The following RBFOX1 variants were observed in gnomAD, a reference collection of about 807,000 sequenced individuals.
RBFOX1 encodes RNA binding fox-1 homolog 1, also known as RNA binding protein fox-1 homolog 1.
A neutral mutation model predicts 57.7 loss-of-function variants in RBFOX1; 8 were observed. That is an observed-to-expected ratio of 0.14 (90% confidence interval 0.08 to 0.25). RBFOX1 has a LOEUF of 0.25. Among genes scored for constraint, RBFOX1 ranks in the 10% least tolerant of loss-of-function variants. The probability of loss-of-function intolerance (pLI) is 1.00; values close to 1 mark genes in which losing one functional copy is unlikely to be tolerated. For synonymous variants in RBFOX1, 326 were observed against 222.4 expected, an observed-to-expected ratio of 1.47 and a Z score of -4.15; for missense variants, 611 against 548.5, an observed-to-expected ratio of 1.11 and a Z score of -1.14.
rs748709226 is a variant in RBFOX1, at chr16:7,254,453, G to A, written c.27+202355G>A. On this transcript the variant is annotated intron_variant, in intron 4 of 15. Coordinates refer to ENST00000550418, the MANE Select transcript of RBFOX1 (RefSeq NM_018723.4). ...TCACTGGCCTGATTAAACAAGCTGCGGTCTCTAAAGACTCCAAATGTCATG... is the reference window on the plus strand; with the variant it reads ...TCACTGGCCTGATTAAACAAGCTGCAGTCTCTAAAGACTCCAAATGTCATG... Among the ~76,000 whole-genome samples the A allele has an allele frequency of 4.6e-5, 7 of 151,776 alleles. No homozygotes were observed. The South Asian group carries it at 8.3e-4, about 18-fold the overall frequency.
At chr16:7,469,902 A>C (rs1392301740) in intron 4 of RBFOX1, among the ~76,000 whole-genome samples, 1 of 152,148 alleles carries the variant, frequency 6.6e-6, no homozygotes. Flanking sequence ...GACTACGCTA[A>C]GTACCTCATA....
At chr16:6,589,029 C>A (rs1269822045) in intron 2 of RBFOX1, among the ~76,000 whole-genome samples, 2 of 152,136 alleles carry the variant, frequency 1.3e-5, no homozygotes, top group African/African-American at 2.4e-5. Context: ...CATTGAGGAA[C>A]CTTTTCAGAA....
intron 3 of RBFOX1, among the ~76,000 whole-genome samples, chr16:5,821,286 C>CTG: frequency 3.4e-5 from 5 of 148,294 alleles, no homozygotes; most frequent in African/African-American, 1.2e-4. Context: ...CTGTCATTCT[C>CTG]TCTTTTTTTA....
chr16:6,994,472 C>G (rs1184305344), intron 3 of RBFOX1, among the ~76,000 whole-genome samples: 3 of 152,194 alleles, frequency 2.0e-5, no homozygotes, highest in Admixed American at 6.5e-5. Context: ...ATGCTAAGAA[C>G]TGTTAGGAAA....
intron 2 of RBFOX1, among the ~76,000 whole-genome samples, chr16:6,638,299 T>C (rs1054109098): frequency 1.3e-5 from 2 of 152,142 alleles, no homozygotes; most frequent in Non-Finnish European, 2.9e-5. Context: ...ATGTAAGAAT[T>C]AAAATTAGTG....
At chr16:6,380,310 C>G (rs571672450) in intron 2 of RBFOX1, among the ~76,000 whole-genome samples, 1 of 148,594 alleles carries the variant, frequency 6.7e-6, no homozygotes, top group Non-Finnish European at 1.5e-5. Flanking sequence ...AGAACAGTGA[C>G]GGTGGTGGAG....
At chr16:7,414,869 C>T (rs1022713690) in intron 4 of RBFOX1, among the ~76,000 whole-genome samples, 14 of 152,206 alleles carry the variant, frequency 9.2e-5, no homozygotes, top group Non-Finnish European at 1.8e-4. Flanking sequence ...CCGTTTCCTT[C>T]AGCCTTCTAA....
intron 3 of RBFOX1, chr16:7,003,974 G>T (rs1361684186): frequency 1.3e-5 from 2 of 149,068 alleles, no homozygotes; most frequent in African/African-American, 5.1e-5. Flanking sequence ...ATTTTCCCAG[G>T]GTAGAAATGA....
chr16:5,936,063 T>C (rs1367057518), intron 4 of RBFOX1, among the ~76,000 whole-genome samples: 1 of 151,852 alleles, frequency 6.6e-6, no homozygotes, highest in South Asian at 2.1e-4. Context: ...AGTGGAAATA[T>C]ATGGTAAAAA....
intron 3 of RBFOX1, among the ~76,000 whole-genome samples, chr16:5,780,768 G>C (rs1423701906): frequency 6.6e-6 from 1 of 152,222 alleles, no homozygotes; most frequent in Non-Finnish European, 1.5e-5. Context: ...GCTCCCGAGA[G>C]AAGCATGGGA....
intron 2 of RBFOX1, among the ~76,000 whole-genome samples, chr16:5,527,341 T>C (rs904679106): frequency 2.0e-5 from 3 of 152,178 alleles, no homozygotes; most frequent in African/African-American, 7.2e-5. Context: ...GAAATGGAGT[T>C]CGTAGACTCC....
intron 3 of RBFOX1, among the ~76,000 whole-genome samples, chr16:6,876,565 A>C (rs1279863996): frequency 6.6e-6 from 1 of 152,162 alleles, no homozygotes; most frequent in Non-Finnish European, 1.5e-5. Flanking sequence ...TTCTATAAAA[A>C]TTAATAGTGT....
chr16:5,250,072 T>C (rs2062410853), intron 1 of RBFOX1, among the ~76,000 whole-genome samples: 1 of 151,220 alleles, frequency 6.6e-6, no homozygotes, highest in Non-Finnish European at 1.5e-5. Flanking sequence ...GAGGTTGCAG[T>C]GAGCCGAGAT....
chr16:6,815,263 G>C (rs1567372724), intron 3 of RBFOX1, among the ~76,000 whole-genome samples: 1 of 152,098 alleles, frequency 6.6e-6, no homozygotes, highest in African/African-American at 2.4e-5. Context: ...TGGTTTTGGT[G>C]GGTTTTGGCC....
In RBFOX1 at chr16:7,034,848, C is replaced by CTTTTCT. The variant is rs1412479062; in HGVS notation, c.-15-17205_-15-17204insCTTTTT. Among the ~76,000 whole-genome samples, 15 of 30,836 alleles carry CTTTTCT rather than the reference C, an allele frequency of 4.9e-4. 1 individual carries two copies. In the East Asian group the frequency reaches 5.6e-3, roughly 12 times the overall value. 20.2% of individuals were successfully genotyped at this position (30,836 alleles called of 152,430 possible). A position where few individuals can be genotyped will look rare whatever the true frequency, so the allele number is the denominator to read the frequency against. On this transcript the variant is annotated intron_variant, in intron 3 of 15. Transcript: ENST00000550418. ...ATTACTTTTTTTTTTTTTCTTTTTTCTTTTTTTTTTTTTTTTTTGAGATGG... is the reference window on the plus strand; with the variant it reads ...ATTACTTTTTTTTTTTTTCTTTTTTCTTTTCTTTTTTTTTTTTTTTTTTTGAGATGG...
At chr16:5,773,219 G>A (rs1027379242) in intron 3 of RBFOX1, among the ~76,000 whole-genome samples, 3 of 152,128 alleles carry the variant, frequency 2.0e-5, no homozygotes, top group African/African-American at 7.2e-5. Flanking sequence ...TAGTTAAGAG[G>A]TTATTGCAAT....
intron 4 of RBFOX1, among the ~76,000 whole-genome samples, chr16:5,949,974 A>G (rs943934920): frequency 6.6e-6 from 1 of 152,212 alleles, no homozygotes; most frequent in Non-Finnish European, 1.5e-5. Flanking sequence ...TTTGACAAGA[A>G]TGTTACATAG....
chr16:5,454,956 TTC>T (rs1265213426), intron 1 of RBFOX1, among the ~76,000 whole-genome samples: 209 of 62,602 alleles, frequency 3.3e-3, no homozygotes, highest in African/African-American at 0.011. Context: ...CCTTCCTTCC[TTC>T]CTTTCTTTCT....
At chr16:5,266,297 G>A (rs994541127) in intron 1 of RBFOX1, among the ~76,000 whole-genome samples, 1 of 152,076 alleles carries the variant, frequency 6.6e-6, no homozygotes, top group African/African-American at 2.4e-5. Context: ...TGGACTCACT[G>A]GATGCAGTAA....
Sources: gnomAD v4.1 joint callset for allele counts (sites outside exome capture counted in the v4.1 genomes callset) on GRCh38, gnomAD v4.1.1 for gene constraint, MANE v1.5 for transcripts, NCBI Gene and HGNC (gene_info 2026-07-23, HGNC 2026-07-21) for gene names.